Variants in WDPCP observed in about 807,000 individuals in gnomAD.
WDPCP encodes the protein WD repeat-containing and planar cell polarity effector protein fritz homolog.
In WDPCP, 71 loss-of-function variants were observed where a neutral mutation model predicts 93.1. That is an observed-to-expected ratio of 0.76 (90% confidence interval 0.63 to 0.93). WDPCP has a LOEUF of 0.93. Ranked by LOEUF, WDPCP falls within the 40% of genes least tolerant of loss-of-function variation. The pLI is 0.00. For missense variants in WDPCP, 844 were observed against 887.4 expected (o/e 0.95, Z 0.62); for synonymous variants, 315 against 315.0 (o/e 1.00, Z 0.00).
intron 3 of WDPCP, chr2:63,622,385 G>A (rs1709751799): frequency 1.9e-6 from 3 of 1,611,644 alleles, no homozygotes; most frequent in East Asian, 4.5e-5. Flanking sequence ...TTTTGAACTG[G>A]GCAAGACCAA....
chr2:63,707,669 A>C (rs967973555), intron 2 of WDPCP, among the ~76,000 whole-genome samples: 3 of 152,156 alleles, frequency 2.0e-5, no homozygotes, highest in African/African-American at 7.2e-5. Context: ...GTTGCTGGTG[A>C]GGAGCTGCGT....
At chr2:63,366,683 C>T (rs1178137495) in intron 12 of WDPCP, among the ~76,000 whole-genome samples, 1 of 152,112 alleles carries the variant, frequency 6.6e-6, no homozygotes, top group Non-Finnish European at 1.5e-5. Flanking sequence ...TTCAAACTTT[C>T]ATGTTGTTAT....
intron 3 of WDPCP, among the ~76,000 whole-genome samples, chr2:63,621,659 C>G (rs1442981153): frequency 6.6e-6 from 1 of 152,068 alleles, no homozygotes; most frequent in Non-Finnish European, 1.5e-5. Context: ...CATTCAAATT[C>G]AGGAAATACA....
intron 10 of WDPCP, among the ~76,000 whole-genome samples, chr2:63,393,105 T>C (rs944471768): frequency 6.6e-6 from 1 of 152,214 alleles, no homozygotes; most frequent in Admixed American, 6.5e-5. Flanking sequence ...ATTGCGGCAC[T>C]ATTCACAATA....
chr2:63,663,237 T>C (rs561664705), intron 2 of WDPCP, among the ~76,000 whole-genome samples: 1 of 152,350 alleles, frequency 6.6e-6, no homozygotes, highest in South Asian at 2.1e-4. Flanking sequence ...TGCCCTCTGC[T>C]ACTGTTGGCA....
intron 14 of WDPCP, among the ~76,000 whole-genome samples, chr2:63,181,735 C>T (rs537286724): frequency 6.7e-6 from 1 of 150,112 alleles, no homozygotes; most frequent in Admixed American, 6.7e-5. Context: ...TGAAAAATTA[C>T]ATTTTAAAAA....
intron 17 of WDPCP, among the ~76,000 whole-genome samples, chr2:63,152,324 G>T (rs1420215259): frequency 6.6e-6 from 1 of 150,812 alleles, no homozygotes; most frequent in South Asian, 2.1e-4. Context: ...ACCCAGGCTG[G>T]AGTGCAGTGG....
intron 17 of WDPCP, among the ~76,000 whole-genome samples, chr2:63,142,895 C>T (rs1440744759): frequency 6.8e-6 from 1 of 147,510 alleles, no homozygotes; most frequent in East Asian, 2.1e-4. Context: ...TACATATATA[C>T]ACACATACAT....
At chr2:63,124,393 T>TC (rs1669753910) in intron 17 of WDPCP, among the ~76,000 whole-genome samples, 1 of 152,090 alleles carries the variant, frequency 6.6e-6, no homozygotes, top group African/African-American at 2.4e-5. Flanking sequence ...GAAAGGGTTT[T>TC]CCCCAGTCCC....
chr2:63,768,503 A>G (rs1469324664), intron 2 of WDPCP, among the ~76,000 whole-genome samples: 1 of 152,098 alleles, frequency 6.6e-6, no homozygotes, highest in Non-Finnish European at 1.5e-5. Flanking sequence ...AAAAATATCA[A>G]GTCTTCAATC....
At chr2:63,533,031 G>C (rs1407590516) in intron 1 of WDPCP, among the ~76,000 whole-genome samples, 1 of 151,702 alleles carries the variant, frequency 6.6e-6, no homozygotes, top group South Asian at 2.1e-4. Context: ...CAAACAAATG[G>C]AAAACAAAAA....
chr2:63,424,496 C>T (rs1350811904), intron 9 of WDPCP, among the ~76,000 whole-genome samples: 6 of 152,156 alleles, frequency 3.9e-5, no homozygotes, highest in African/African-American at 1.2e-4. Flanking sequence ...GTACATAGCA[C>T]AGCCTCCACT....
intron 14 of WDPCP, among the ~76,000 whole-genome samples, chr2:63,197,072 G>A (rs1214175205): frequency 6.6e-6 from 1 of 152,134 alleles, no homozygotes; most frequent in Non-Finnish European, 1.5e-5. Context: ...CACCAAGTAT[G>A]CCTACCTCTC....
chr2:63,253,463 TGA>T (rs1483059546), intron 14 of WDPCP, among the ~76,000 whole-genome samples: 14 of 152,162 alleles, frequency 9.2e-5, no homozygotes, highest in African/African-American at 3.4e-4. Context: ...GCCTACAGAA[TGA>T]GAGAAAATAT....
At chr2:63,127,662 CAT>C (rs67091232) in intron 17 of WDPCP, among the ~76,000 whole-genome samples, 27,322 of 131,354 alleles carry the variant, frequency 0.21, 2,729 homozygotes, top group East Asian at 0.44. Flanking sequence ...TGTGTATGTG[CAT>C]ATATATATAT....
chr2:63,531,521 A>G (rs1466678971), intron 1 of WDPCP, among the ~76,000 whole-genome samples: 1 of 152,140 alleles, frequency 6.6e-6, no homozygotes, highest in Non-Finnish European at 1.5e-5. Flanking sequence ...AACATTTACT[A>G]TTCTGTAATA....
chr2:63,187,910 TG>T (rs1259518176), intron 14 of WDPCP, among the ~76,000 whole-genome samples: 3 of 152,244 alleles, frequency 2.0e-5, no homozygotes, highest in African/African-American at 4.8e-5. Context: ...AAACAGCTTT[TG>T]TTTATCTGGA....
intron 1 of WDPCP, among the ~76,000 whole-genome samples, chr2:63,498,583 T>C (rs1443816898): frequency 6.6e-6 from 1 of 152,360 alleles, no homozygotes; most frequent in South Asian, 2.1e-4. Context: ...TTCACTACTA[T>C]ACTGTTGATA....
chr2:63,622,246 T>A, intron 3 of WDPCP: 1 of 1,611,240 alleles, frequency 6.2e-7, no homozygotes, highest in Admixed American at 1.7e-5. Flanking sequence ...GCCTTCTCTG[T>A]AGCTGCCAGT....
Sources: gnomAD v4.1 joint callset for allele counts (sites outside exome capture counted in the v4.1 genomes callset) on GRCh38, gnomAD v4.1.1 for gene constraint, MANE v1.5 for transcripts, NCBI Gene and HGNC (gene_info 2026-07-23, HGNC 2026-07-21) for gene names.